The following NKAIN2 variants were observed in gnomAD, a reference collection of about 807,000 sequenced individuals.
NKAIN2 encodes sodium/potassium transporting ATPase interacting 2.
A neutral mutation model predicts 32.6 loss-of-function variants in NKAIN2; 14 were observed. That is an observed-to-expected ratio of 0.43 (90% CI 0.28 to 0.67). The LOEUF (loss-of-function observed/expected upper bound fraction) is 0.67. Ranked by LOEUF, NKAIN2 falls within the 30% of genes least tolerant of loss-of-function variation. The pLI is 0.17. For synonymous variants in NKAIN2, 80 were observed against 87.2 expected, an observed-to-expected ratio of 0.92 and a Z score of 0.46; for missense variants, 198 against 258.3, an observed-to-expected ratio of 0.77 and a Z score of 1.60.
At chr6:124,206,571 TA>T (rs1298430641) in intron 1 of NKAIN2, among the ~76,000 whole-genome samples, 1 of 151,984 alleles carries the variant, frequency 6.6e-6, no homozygotes, top group African/African-American at 2.4e-5. Context: ...TTTTTAATTG[TA>T]TTTTTGTTAC....
chr6:123,898,555 T>A (rs1195803654), intron 1 of NKAIN2, among the ~76,000 whole-genome samples: 1 of 147,796 alleles, frequency 6.8e-6, no homozygotes. Flanking sequence ...AGGGGTGTTT[T>A]TTTTTTTTTT....
chr6:123,822,639 A>T (rs1368096349), intron 1 of NKAIN2, among the ~76,000 whole-genome samples: 1 of 152,140 alleles, frequency 6.6e-6, no homozygotes, highest in East Asian at 1.9e-4. Context: ...TTCAGATTGA[A>T]GTATTTTTGG....
chr6:124,225,971 AG>A (rs1264197504), intron 1 of NKAIN2, among the ~76,000 whole-genome samples: 2 of 151,998 alleles, frequency 1.3e-5, no homozygotes, highest in African/African-American at 4.8e-5. Context: ...ACAGATAGGG[AG>A]ACATCAGTTA....
chr6:124,612,318 C>T (rs1379399681), intron 3 of NKAIN2, among the ~76,000 whole-genome samples: 1 of 151,870 alleles, frequency 6.6e-6, no homozygotes, highest in African/African-American at 2.4e-5. Context: ...AAACATAAAG[C>T]CTCCTTTTTT....
chr6:123,974,572 G>A (rs376688407), intron 1 of NKAIN2, among the ~76,000 whole-genome samples: 13 of 152,272 alleles, frequency 8.5e-5, no homozygotes, highest in East Asian at 3.9e-4. Flanking sequence ...ATGTCAAAAT[G>A]TGAGCCTGCT....
rs546009121 is a variant in NKAIN2 at position 124,529,171 on chromosome 6, A to G, written c.274-129015A>G. Among the ~76,000 whole-genome samples, 58 of 152,288 alleles carry G rather than the reference A, an allele frequency of 3.8e-4. 1 individual carries two copies. The highest frequency in any genetic ancestry group is 1.1e-3 in the Admixed American group (17 of 15,304). Reference sequence around the variant, plus strand: ...ACATTAGTTTCTAGCATCATCTTCCACCTTAACATTTGACATTGATGTATA... The same window carrying G: ...ACATTAGTTTCTAGCATCATCTTCCGCCTTAACATTTGACATTGATGTATA... On this transcript the variant is annotated intron_variant, in intron 3 of 6. Transcript: ENST00000368417.
intron 3 of NKAIN2, among the ~76,000 whole-genome samples, chr6:124,357,805 TA>T (rs1799058116): frequency 6.9e-6 from 1 of 144,870 alleles, no homozygotes; most frequent in African/African-American, 2.5e-5. Context: ...CTTTAAGTTT[TA>T]GGGTACATGT....
intron 4 of NKAIN2, among the ~76,000 whole-genome samples, chr6:124,778,263 A>AC (rs1182834857): frequency 6.6e-6 from 1 of 151,196 alleles, no homozygotes; most frequent in Non-Finnish European, 1.5e-5. Flanking sequence ...TAAGGGAAAA[A>AC]AACTACAAGT....
rs992237751 is a variant in NKAIN2, at chr6:124,825,258, C to A, written c.*2029C>A. On this transcript the variant is annotated 3_prime_UTR_variant, in exon 7 of 7. Coordinates refer to ENST00000368417, the MANE Select transcript of NKAIN2 (RefSeq NM_001040214.3). ...CATGTATATGGGTACAGAAAATAAACCCTCATATTCCTGCTTTAAGTTACA... is the reference window on the plus strand; with the variant it reads ...CATGTATATGGGTACAGAAAATAAAACCTCATATTCCTGCTTTAAGTTACA... 1 of 152,480 alleles carries A rather than the reference C, an allele frequency of 6.6e-6. No homozygotes were observed. Among genetic ancestry groups the A allele is most frequent in the Non-Finnish European group, 1.5e-5 (1 of 68,020 alleles). 9.4% of individuals were successfully genotyped at this position (152,480 alleles called of 1,614,324 possible).
chr6:124,790,279 C>T (rs1351829642), intron 4 of NKAIN2, among the ~76,000 whole-genome samples: 1 of 152,050 alleles, frequency 6.6e-6, no homozygotes, highest in Non-Finnish European at 1.5e-5. Context: ...CTCACATCCT[C>T]CAGAAGATCA....
chr6:124,405,611 C>G (rs1773820518), intron 3 of NKAIN2, among the ~76,000 whole-genome samples: 1 of 150,550 alleles, frequency 6.6e-6, no homozygotes, highest in African/African-American at 2.4e-5. Flanking sequence ...AACTCCTGGG[C>G]TCAAGTTGTC....
intron 4 of NKAIN2, among the ~76,000 whole-genome samples, chr6:124,687,572 A>ACATATACATACATGG (rs1562324900): frequency 0.1 from 28 of 280 alleles, no homozygotes; most frequent in Non-Finnish European, 0.17. Flanking sequence ...GGTATATATA[A>ACATATACATACATGG]TATATATTTA....
intron 3 of NKAIN2, among the ~76,000 whole-genome samples, chr6:124,458,352 C>G (rs1391881769): frequency 1.3e-5 from 2 of 151,850 alleles, no homozygotes; most frequent in Admixed American, 1.3e-4. Context: ...GAAACTCTAG[C>G]AGGGTAATTA....
intron 3 of NKAIN2, among the ~76,000 whole-genome samples, chr6:124,443,902 A>G (rs1775790162): frequency 6.6e-6 from 1 of 151,730 alleles, no homozygotes; most frequent in Non-Finnish European, 1.5e-5. Flanking sequence ...TATCCTTTCA[A>G]TCTCGTATAT....
intron 3 of NKAIN2, among the ~76,000 whole-genome samples, chr6:124,358,747 C>G (rs539612468): frequency 5.1e-4 from 77 of 151,712 alleles, no homozygotes; most frequent in African/African-American, 1.6e-3. Context: ...ATGGTAGTTT[C>G]TTTTGCTGTG....
intron 3 of NKAIN2, among the ~76,000 whole-genome samples, chr6:124,519,258 A>G (rs898743909): frequency 6.6e-6 from 1 of 152,216 alleles, no homozygotes; most frequent in Non-Finnish European, 1.5e-5. Flanking sequence ...AACCAAAAGA[A>G]GTGTAAGAGT....
In NKAIN2 at chr6:124,342,814, T is replaced by TTTATTA. The variant is rs56290836; in HGVS notation, c.193-12424_193-12419dup. ...GCCACCACACCTGCCCAGAAGATGT[T>TTTATTA]TTATTATTATTATTATTATTATTAT... On this transcript the variant is annotated intron_variant, in intron 2 of 6. Transcript: ENST00000368417. Among the ~76,000 whole-genome samples, 1,071 of 145,478 alleles carry TTTATTA rather than the reference T, an allele frequency of 7.4e-3. 10 individuals are homozygous for TTTATTA. Among genetic ancestry groups the TTTATTA allele is most frequent in the African/African-American group, 0.025 (964 of 39,048 alleles).
chr6:124,404,278 G>C (rs1333810578), intron 3 of NKAIN2, among the ~76,000 whole-genome samples: 3 of 152,094 alleles, frequency 2.0e-5, no homozygotes, highest in African/African-American at 7.2e-5. Context: ...TCTCGTGGAG[G>C]GGGAGTCGTC....
At chr6:123,831,470 A>G (rs1774373918) in intron 1 of NKAIN2, among the ~76,000 whole-genome samples, 1 of 148,480 alleles carries the variant, frequency 6.7e-6, no homozygotes, top group Non-Finnish European at 1.5e-5. Context: ...TTTTTTTAAG[A>G]TAGCCACACT....
Sources: gnomAD v4.1 joint callset for allele counts (sites outside exome capture counted in the v4.1 genomes callset) on GRCh38, gnomAD v4.1.1 for gene constraint, MANE v1.5 for transcripts, NCBI Gene and HGNC (gene_info 2026-07-23, HGNC 2026-07-21) for gene names.